RAB3GAP1: variants seen among roughly 807,000 people sequenced by gnomAD.
RAB3GAP1 encodes RAB3 GTPase activating protein catalytic subunit 1.
In RAB3GAP1, 86 loss-of-function variants were observed where a neutral mutation model predicts 130.7. The ratio of observed to expected loss-of-function variants is 0.66; its 90% CI spans 0.55 to 0.79. The LOEUF is 0.79. Ranked by LOEUF, RAB3GAP1 falls within the 30% of genes least tolerant of loss-of-function variation. The probability of loss-of-function intolerance (pLI) is 0.00; values close to 1 mark genes in which losing one functional copy is unlikely to be tolerated. For synonymous variants in RAB3GAP1, 367 were observed against 401.7 expected (o/e 0.91, Z 1.03); for missense variants, 1,029 against 1,169.4 (o/e 0.88, Z 1.75).
intron 7 of RAB3GAP1, among the ~76,000 whole-genome samples, chr2:135,119,119 A>AT (rs1433134042): frequency 2.0e-5 from 1 of 50,094 alleles, no homozygotes; most frequent in African/African-American, 7.9e-5. Flanking sequence ...TTCTGTCCTT[A>AT]TTTTTTTGAG....
chr2:135,057,974 T>C, intron 2 of RAB3GAP1, 37 bp from the exon 3 acceptor site: 1 of 1,378,138 alleles, frequency 7.3e-7, no homozygotes, highest in East Asian at 2.3e-5. Context: ...AAAAAAGGTG[T>C]GCTGTTGTAT....
In RAB3GAP1 at chr2:135,082,097, A is replaced by G. The variant is rs1689838448; in HGVS notation, c.151-8901A>G. Reference sequence around the variant, plus strand: ...GCGGAGGTTGCAGTGAGCCAAGATCATGACATTGCACTCCAGCCTGGGTGA... The same window carrying G: ...GCGGAGGTTGCAGTGAGCCAAGATCGTGACATTGCACTCCAGCCTGGGTGA... On this transcript the variant is annotated intron_variant, in intron 3 of 23. Transcript: ENST00000264158. Among the ~76,000 whole-genome samples, 4 of 151,966 alleles carry G rather than the reference A, an allele frequency of 2.6e-5. No individual in the cohort carries two copies. In the South Asian group the frequency reaches 8.3e-4, roughly 32 times the overall value.
At chr2:135,095,216 T>C (rs1383343829) in intron 5 of RAB3GAP1, among the ~76,000 whole-genome samples, 1 of 152,108 alleles carries the variant, frequency 6.6e-6, no homozygotes, top group Non-Finnish European at 1.5e-5. Flanking sequence ...ACCCAGCTGA[T>C]TTTTTGTATT....
intron 3 of RAB3GAP1, among the ~76,000 whole-genome samples, chr2:135,073,250 C>A (rs1389863917): frequency 1.3e-5 from 2 of 152,088 alleles, no homozygotes; most frequent in Non-Finnish European, 2.9e-5. Context: ...GCATTTGCCC[C>A]CATTACCCAG....
At chr2:135,131,783 G>A (rs1439706924) in intron 13 of RAB3GAP1, among the ~76,000 whole-genome samples, 1 of 152,170 alleles carries the variant, frequency 6.6e-6, no homozygotes, top group Non-Finnish European at 1.5e-5. Flanking sequence ...GAGGATTAAA[G>A]GATCTTCTGT....
intron 3 of RAB3GAP1, among the ~76,000 whole-genome samples, chr2:135,077,772 G>A (rs1689671579): frequency 6.6e-6 from 1 of 152,132 alleles, no homozygotes; most frequent in Non-Finnish European, 1.5e-5. Flanking sequence ...AGTGGTTGTG[G>A]TTTTGATTTG....
At chr2:135,077,743 A>T (rs1312607957) in intron 3 of RAB3GAP1, among the ~76,000 whole-genome samples, 2 of 152,176 alleles carry the variant, frequency 1.3e-5, no homozygotes, top group East Asian at 1.9e-4. Flanking sequence ...AAAAATAATG[A>T]TCATTCTAAT....
intron 5 of RAB3GAP1, among the ~76,000 whole-genome samples, chr2:135,103,075 T>C (rs1201763157): frequency 7.3e-6 from 1 of 136,820 alleles, no homozygotes; most frequent in Non-Finnish European, 1.5e-5. Context: ...TCTCGCTGTA[T>C]TGCCAGGCTG....
intron 4 of RAB3GAP1, 120 bp downstream of exon 4, chr2:135,091,250 A>G (rs1690134170): frequency 2.2e-6 from 2 of 911,154 alleles, no homozygotes; most frequent in Non-Finnish European, 1.7e-6. Flanking sequence ...TACATAAGCA[A>G]AGTTGTTTCA....
intron 2 of RAB3GAP1, among the ~76,000 whole-genome samples, chr2:135,056,545 A>G (rs1689017753): frequency 6.6e-6 from 1 of 152,206 alleles, no homozygotes. Context: ...TATTGGGTGC[A>G]TATTAGTCCT....
At position 135,138,430 on chromosome 2, in the gene RAB3GAP1, A is replaced by G. The variant is rs528636540; in HGVS notation, c.1923+2498A>G. The stretch of plus-strand genomic sequence containing the variant: ...GTGTCACTGTTCTCCAGCCTGGGCA[A>G]CAGAGCAAGACCCTGTCTCAAAAAA... On this transcript the variant is annotated intron_variant, in intron 17 of 23. Transcript: ENST00000264158. Among the ~76,000 whole-genome samples the G allele has an allele frequency of 3.9e-5, 6 of 152,252 alleles. No homozygotes were observed. In the East Asian group the frequency reaches 9.7e-4, roughly 25 times the overall value.
chr2:135,062,036 T>C (rs1362452666), intron 3 of RAB3GAP1, among the ~76,000 whole-genome samples: 1 of 151,302 alleles, frequency 6.6e-6, no homozygotes, highest in African/African-American at 2.4e-5. Flanking sequence ...GTCTTTTTCT[T>C]TTTTTTTTGA....
At chr2:135,072,315 G>T (rs2104843837) in intron 3 of RAB3GAP1, among the ~76,000 whole-genome samples, 1 of 152,296 alleles carries the variant, frequency 6.6e-6, no homozygotes. Flanking sequence ...AAAGTAGCAG[G>T]CATCATTGGG....
chr2:135,109,889 A>G (rs538319717), intron 5 of RAB3GAP1, among the ~76,000 whole-genome samples: 2 of 151,542 alleles, frequency 1.3e-5, no homozygotes, highest in Non-Finnish European at 2.9e-5. Flanking sequence ...GCCTTTGTGT[A>G]TTTTCTTTTG....
intron 5 of RAB3GAP1, among the ~76,000 whole-genome samples, chr2:135,110,376 C>A (rs1690763280): frequency 6.6e-6 from 1 of 152,150 alleles, no homozygotes; most frequent in Admixed American, 6.5e-5. Context: ...CTCAAGTGAT[C>A]CTCCTGTCTT....
downstream of RAB3GAP1, among the ~76,000 whole-genome samples, chr2:135,171,305 G>C (rs1193413171): frequency 6.6e-6 from 1 of 152,136 alleles, no homozygotes; most frequent in East Asian, 1.9e-4. Flanking sequence ...GGGCGGTAGT[G>C]AGTCACTGAA....
chr2:135,101,911 C>T (rs1574108992), intron 5 of RAB3GAP1, among the ~76,000 whole-genome samples: 1 of 151,936 alleles, frequency 6.6e-6, no homozygotes, highest in Non-Finnish European at 1.5e-5. Flanking sequence ...ATGACACAGA[C>T]TTTAACCGTA....
At chr2:135,138,329 A>C (rs1398983269) in intron 17 of RAB3GAP1, among the ~76,000 whole-genome samples, 2 of 151,132 alleles carry the variant, frequency 1.3e-5, no homozygotes, top group East Asian at 3.9e-4. Context: ...GTACACCTGT[A>C]GTCCCAGCTA....
chr2:135,089,375 C>T (rs559612371), intron 3 of RAB3GAP1, among the ~76,000 whole-genome samples: 3 of 151,402 alleles, frequency 2.0e-5, no homozygotes, highest in African/African-American at 4.9e-5. Flanking sequence ...GCTATATTGG[C>T]GCTTTTTTGG....
Sources: allele counts gnomAD v4.1 joint callset (sites outside exome capture counted in the v4.1 genomes callset), GRCh38; gene constraint gnomAD v4.1.1; transcripts MANE v1.5; gene names NCBI Gene and HGNC (gene_info 2026-07-23, HGNC 2026-07-21).